The following LARGE1 variants were observed in gnomAD, a reference collection of about 807,000 sequenced individuals.
LARGE1 encodes the protein xylosyl- and glucuronyltransferase LARGE1.
A neutral mutation model predicts 87.6 loss-of-function variants in LARGE1; 43 were observed. That is an observed-to-expected ratio of 0.49 (90% CI 0.38 to 0.63). The LOEUF is 0.63. Among genes scored for constraint, LARGE1 ranks in the 30% least tolerant of loss-of-function variants. LARGE1 has a pLI of 0.00. For synonymous variants in LARGE1, 434 were observed against 394.6 expected (o/e 1.10, Z -1.18); for missense variants, 802 against 1,000.2 (o/e 0.80, Z 2.67).
At chr22:33,824,725 C>A (rs1034993188) in intron 1 of LARGE1, among the ~76,000 whole-genome samples, 6 of 152,048 alleles carry the variant, frequency 3.9e-5, no homozygotes, top group Non-Finnish European at 7.4e-5. Context: ...TTATAAAGTC[C>A]AAACATTTTC....
In LARGE1 at chr22:33,918,504, A is replaced by G. The variant is rs1301512770; in HGVS notation, c.-83+1491T>C. ...GTGTTCTCCACAAGCAATTTTCACT[A>G]AAGTACTCTTGAACAATAAAGGTAC... On this transcript the variant is annotated intron_variant, in intron 1 of 14. Transcript: ENST00000397394. 2.0e-5 allele frequency among the ~76,000 whole-genome samples: 3 copies of G among 152,350 alleles called. No homozygotes were observed. In the East Asian group the frequency reaches 5.8e-4, roughly 29 times the overall value.
At chr22:33,170,474 C>T (rs554336317) in intron 11 of LARGE1, among the ~76,000 whole-genome samples, 2 of 152,128 alleles carry the variant, frequency 1.3e-5, no homozygotes, top group South Asian at 2.1e-4. Flanking sequence ...AATTGTAATC[C>T]CCATGTGTCG....
chr22:33,347,508 C>T (rs1939897246), intron 9 of LARGE1, among the ~76,000 whole-genome samples: 5 of 152,156 alleles, frequency 3.3e-5, no homozygotes, highest in Admixed American at 2.6e-4. Flanking sequence ...AAACATATTC[C>T]CCTTTTCTTT....
At chr22:33,260,803 TTC>T (rs1356795685) in intron 11 of LARGE1, among the ~76,000 whole-genome samples, 2 of 152,200 alleles carry the variant, frequency 1.3e-5, no homozygotes, top group East Asian at 3.9e-4. Context: ...GCGTTTTATT[TTC>T]CCCTTCATAA....
chr22:33,353,989 A>G (rs932316441), intron 9 of LARGE1, among the ~76,000 whole-genome samples: 16 of 152,252 alleles, frequency 1.1e-4, no homozygotes, highest in Admixed American at 3.3e-4. Flanking sequence ...TTCTAATGAC[A>G]TGAGAGGTGG....
chr22:33,726,359 T>G (rs2083272935), intron 2 of LARGE1, among the ~76,000 whole-genome samples: 1 of 152,156 alleles, frequency 6.6e-6, no homozygotes, highest in Middle Eastern at 3.2e-3. Context: ...CCCTCCTGAC[T>G]CTAAACCTGA....
intron 11 of LARGE1, among the ~76,000 whole-genome samples, chr22:33,194,173 T>C (rs1031837226): frequency 1.3e-5 from 2 of 152,160 alleles, no homozygotes; most frequent in African/African-American, 4.8e-5. Context: ...TGTTTCAAAA[T>C]CTATGGTATA....
chr22:33,496,603 CT>C (rs2070131777), intron 6 of LARGE1, among the ~76,000 whole-genome samples: 1 of 152,118 alleles, frequency 6.6e-6, no homozygotes. Context: ...ATGACCCGTT[CT>C]GTTTACGCTA....
At chr22:33,430,160 T>G (rs1409367558) in intron 7 of LARGE1, among the ~76,000 whole-genome samples, 3 of 152,210 alleles carry the variant, frequency 2.0e-5, no homozygotes, top group Non-Finnish European at 4.4e-5. Context: ...CCTTGACTTT[T>G]CAGGGTTGCA....
At chr22:33,318,175 C>T (rs1422822644) in intron 10 of LARGE1, among the ~76,000 whole-genome samples, 6 of 145,288 alleles carry the variant, frequency 4.1e-5, no homozygotes, top group Non-Finnish European at 5.9e-5. Flanking sequence ...GCAGAGGTTG[C>T]AGTGAGCCAA....
intron 11 of LARGE1, among the ~76,000 whole-genome samples, chr22:33,197,885 T>C (rs1924159979): frequency 6.8e-6 from 1 of 147,762 alleles, no homozygotes; most frequent in Non-Finnish European, 1.5e-5. Flanking sequence ...TCTATAGCAA[T>C]CAAATCAGTA....
At chr22:33,118,235 C>G in the LARGE1 span, among the ~76,000 whole-genome samples, 1 of 152,178 alleles carries the variant, frequency 6.6e-6, no homozygotes, top group East Asian at 1.9e-4. Flanking sequence ...ATAATTCCAG[C>G]AGAGTGGAAG....
At chr22:33,072,607 G>A in the LARGE1 span, among the ~76,000 whole-genome samples, 1 of 152,134 alleles carries the variant, frequency 6.6e-6, no homozygotes, top group East Asian at 1.9e-4. Flanking sequence ...GGCTCTAAAG[G>A]TAAAGTACCA....
intron 6 of LARGE1, among the ~76,000 whole-genome samples, chr22:33,549,435 G>A (rs1174286026): frequency 6.6e-6 from 1 of 152,160 alleles, no homozygotes; most frequent in Non-Finnish European, 1.5e-5. Context: ...AAATTCTAAT[G>A]GGTCCTAACT....
intron 1 of LARGE1, among the ~76,000 whole-genome samples, chr22:33,856,470 C>T (rs2063758287): frequency 6.6e-6 from 1 of 152,202 alleles, no homozygotes; most frequent in African/African-American, 2.4e-5. Flanking sequence ...GAGTAAGACA[C>T]AGGGGAAATC....
chr22:33,107,318 C>T, the LARGE1 span, among the ~76,000 whole-genome samples: 1 of 152,180 alleles, frequency 6.6e-6, no homozygotes, highest in Non-Finnish European at 1.5e-5. Context: ...AATCCCAGCC[C>T]TTTGGGAGGC....
intron 11 of LARGE1, among the ~76,000 whole-genome samples, chr22:33,225,188 A>G (rs1925671360): frequency 6.6e-6 from 1 of 152,136 alleles, no homozygotes; most frequent in African/African-American, 2.4e-5. Context: ...CGTGGGCATG[A>G]TAGAGACCAA....
intron 5 of LARGE1, among the ~76,000 whole-genome samples, chr22:33,570,027 G>C (rs1480150079): frequency 6.6e-6 from 1 of 152,214 alleles, no homozygotes; most frequent in Non-Finnish European, 1.5e-5. Context: ...CAGAACAACA[G>C]AAGAGGCATA....
chr22:33,111,317 T>C, the LARGE1 span, among the ~76,000 whole-genome samples: 1 of 152,194 alleles, frequency 6.6e-6, no homozygotes, highest in Non-Finnish European at 1.5e-5. Flanking sequence ...TGTGAGACTC[T>C]GACTCCGTAG....
Sources: allele counts gnomAD v4.1 joint callset (sites outside exome capture counted in the v4.1 genomes callset), GRCh38; gene constraint gnomAD v4.1.1; transcripts MANE v1.5; gene names NCBI Gene and HGNC (gene_info 2026-07-23, HGNC 2026-07-21).